The following EFR3B variants were observed in gnomAD, a reference collection of about 807,000 sequenced individuals.
EFR3B encodes EFR3 homolog B.
EFR3B carries 64 observed loss-of-function variants against 104.7 expected under a neutral mutation model. That is an observed-to-expected ratio of 0.61 (90% CI 0.50 to 0.75). The LOEUF (loss-of-function observed/expected upper bound fraction) is 0.75. Ranked by LOEUF, EFR3B falls within the 30% of genes least tolerant of loss-of-function variation. The pLI, the probability that EFR3B is intolerant of heterozygous loss-of-function variation, is 0.00. For missense variants in EFR3B, 750 were observed against 1,078.5 expected, an observed-to-expected ratio of 0.70 and a Z score of 4.27; for synonymous variants, 385 against 417.9, an observed-to-expected ratio of 0.92 and a Z score of 0.96.
In EFR3B at chr2:25,097,526, T is replaced by G. The variant is rs903954682; in HGVS notation, c.212+4396T>G. ...GCTGGACCCAGGGGCAGAACCACCCTCATCTGCCCCACTGCCTCCCCACAT... is the reference window on the plus strand; with the variant it reads ...GCTGGACCCAGGGGCAGAACCACCCGCATCTGCCCCACTGCCTCCCCACAT... On this transcript the variant is annotated intron_variant, in intron 3 of 22. Transcript: ENST00000403714. Among the ~76,000 whole-genome samples the G allele has an allele frequency of 2.0e-5, 3 of 152,122 alleles. No individual in the cohort carries two copies. The East Asian group carries it at 5.8e-4, about 29-fold the overall frequency.
intron 1 of EFR3B, among the ~76,000 whole-genome samples, chr2:25,062,619 T>G (rs953768210): frequency 6.6e-6 from 1 of 152,190 alleles, no homozygotes; most frequent in Non-Finnish European, 1.5e-5. Flanking sequence ...CATTGAGAAC[T>G]GCTGGTCAGG....
At chr2:25,109,326 A>T (rs1289364644) in intron 4 of EFR3B, among the ~76,000 whole-genome samples, 1 of 152,090 alleles carries the variant, frequency 6.6e-6, no homozygotes, top group Non-Finnish European at 1.5e-5. Flanking sequence ...ACCACTTCAC[A>T]CCCCCTAAGA....
intron 19 of EFR3B, among the ~76,000 whole-genome samples, chr2:25,149,444 T>C (rs1670941410): frequency 6.6e-6 from 1 of 152,338 alleles, no homozygotes; most frequent in South Asian, 2.1e-4. Context: ...TGTTCTTTTA[T>C]GTGAGATTCA....
At position 25,080,469 on chromosome 2, in the gene EFR3B, A is replaced by G. The variant is rs151329543; in HGVS notation, c.8-10856A>G. Among the ~76,000 whole-genome samples the G allele has an allele frequency of 3.3e-5, 5 of 151,294 alleles. No homozygotes were observed. The East Asian group carries it at 9.7e-4, about 29-fold the overall frequency. ...GCCATCACACCTGGCTAATTTTTGT[A>G]TTTTTATTAGAGACGGGGTTTCACC... On this transcript the variant is annotated intron_variant, in intron 1 of 22. Transcript: ENST00000403714.
intron 19 of EFR3B, among the ~76,000 whole-genome samples, chr2:25,148,927 A>C (rs1487170421): frequency 2.7e-5 from 1 of 36,516 alleles, no homozygotes. Context: ...GTCTCAAAAA[A>C]AAAAAAAAAA....
rs547917374 is a variant in EFR3B at position 25,139,338 on chromosome 2, C to T, written c.1854+148C>T. 4.4e-5 allele frequency: 45 copies of T among 1,030,932 alleles called. No homozygotes were observed. The South Asian group carries it at 4.7e-4, about 11-fold the overall frequency. 63.9% of individuals were successfully genotyped at this position (1,030,932 alleles called of 1,614,324 possible). On this transcript the variant is annotated intron_variant, in intron 16 of 22. Transcript: ENST00000403714. ...GAACCACTAATGGTGAGAAGTTACT[C>T]GTGGCATCTTTCCCTCCTGTATGAC...
intron 1 of EFR3B, among the ~76,000 whole-genome samples, chr2:25,081,990 G>A (rs1201149334): frequency 1.3e-5 from 2 of 152,172 alleles, no homozygotes; most frequent in East Asian, 1.9e-4. Flanking sequence ...AGCTCAGTCA[G>A]GCAAACAGGA....
At chr2:25,148,661 G>A (rs1012875104) in intron 19 of EFR3B, among the ~76,000 whole-genome samples, 8 of 151,302 alleles carry the variant, frequency 5.3e-5, no homozygotes, top group Non-Finnish European at 8.9e-5. Flanking sequence ...GGTGGCTCAC[G>A]CCTGTAATCC....
chr2:25,045,392 G>A (rs964247703), intron 1 of EFR3B, among the ~76,000 whole-genome samples: 2 of 152,198 alleles, frequency 1.3e-5, no homozygotes, highest in Non-Finnish European at 2.9e-5. Context: ...ACTGACAAGG[G>A]ACATGAAAAA....
chr2:25,132,307 C>A (rs150748746), intron 10 of EFR3B, among the ~76,000 whole-genome samples: 2 of 152,128 alleles, frequency 1.3e-5, no homozygotes, highest in Non-Finnish European at 2.9e-5. Flanking sequence ...CACCATCAGA[C>A]CTGCCTGATG....
chr2:25,049,465 A>G (rs565251448), intron 1 of EFR3B, among the ~76,000 whole-genome samples: 1 of 152,364 alleles, frequency 6.6e-6, no homozygotes, highest in East Asian at 1.9e-4. Flanking sequence ...GTTTCTGTCA[A>G]GAACATTAGA....
intron 1 of EFR3B, among the ~76,000 whole-genome samples, chr2:25,065,831 C>G (rs1413049099): frequency 2.0e-5 from 3 of 152,222 alleles, no homozygotes; most frequent in Admixed American, 6.5e-5. Context: ...GTGTCACACA[C>G]TCACCCAGTG....
chr2:25,072,712 A>G (rs1313443681), intron 1 of EFR3B, among the ~76,000 whole-genome samples: 1 of 152,154 alleles, frequency 6.6e-6, no homozygotes, highest in East Asian at 1.9e-4. Flanking sequence ...CTTATCCTCC[A>G]GTACCTCCTC....
rs2149217308 is a variant in EFR3B at position 25,157,612 on chromosome 2, G to T, written c.*3272G>T. ...GCTGTGTGGGGAAGGGCTAGCATTG[G>T]TCAGGACTCTGCTGACAGCACTGAG... On this transcript the variant is annotated 3_prime_UTR_variant, in exon 23 of 23. Coordinates refer to ENST00000403714, the MANE Select transcript of EFR3B (RefSeq NM_014971.2). The T allele has an allele frequency of 6.6e-6, 1 of 152,420 alleles. No homozygotes were observed. The highest frequency in any genetic ancestry group is 1.9e-4 in the East Asian group (1 of 5,194). The allele number at this position is 152,420 out of a possible 1,614,324, so 9.4% of individuals were successfully genotyped here.
At chr2:25,067,429 T>G (rs968163722) in intron 1 of EFR3B, among the ~76,000 whole-genome samples, 9 of 151,450 alleles carry the variant, frequency 5.9e-5, no homozygotes, top group East Asian at 3.9e-4. Flanking sequence ...AGTTTTTGTT[T>G]TTTTTTTTTT....
intron 4 of EFR3B, among the ~76,000 whole-genome samples, chr2:25,121,435 C>T (rs927869280): frequency 2.0e-5 from 3 of 152,302 alleles, no homozygotes; most frequent in African/African-American, 7.2e-5. Flanking sequence ...CTTCTGTCCT[C>T]TGCTCCCGCA....
rs1380782130 is a variant in EFR3B, at chr2:25,132,916, C to T, written c.1161C>T (p.Ser387=). 6.4e-7 allele frequency: 1 copy of T among 1,550,940 alleles called. No homozygotes were observed. The highest frequency in any genetic ancestry group is 1.4e-5 in the African/African-American group (1 of 73,134). Residue 387 remains serine, a synonymous_variant, in exon 11 of 23, where the codon AGC becomes AGT. Coordinates refer to ENST00000403714, the MANE Select transcript of EFR3B (RefSeq NM_014971.2). The part of the protein sequence containing the change: ...AVIKTVGSFA[S]TLPTYQRSEV... ...CACCTCCTGCAGGCTCCTTTGCCAG[C>T]ACGCTGCCCACCTACCAGCGCTCCG...
intron 21 of EFR3B, 84 bp downstream of exon 21, chr2:25,152,104 G>T: frequency 7.2e-7 from 1 of 1,386,336 alleles, no homozygotes; most frequent in South Asian, 1.3e-5. Flanking sequence ...GTTCCTAGGA[G>T]ATCTTGGCTC....
At chr2:25,118,966 A>G (rs1313650157) in intron 4 of EFR3B, among the ~76,000 whole-genome samples, 1 of 152,024 alleles carries the variant, frequency 6.6e-6, no homozygotes, top group Non-Finnish European at 1.5e-5. Context: ...ACCAGTGAAC[A>G]TTAATTTTGG....
Sources: allele counts gnomAD v4.1 joint callset (sites outside exome capture counted in the v4.1 genomes callset), GRCh38; gene constraint gnomAD v4.1.1; transcripts MANE v1.5; gene names NCBI Gene and HGNC (gene_info 2026-07-23, HGNC 2026-07-21).